Variants in TCP11L1 observed in about 807,000 individuals in gnomAD.
The protein encoded by TCP11L1 is t-complex 11 like 1, also known as T-complex protein 11-like protein 1.
Under a neutral mutation model 48.9 loss-of-function variants are expected in TCP11L1, and 28 were observed. The observed-to-expected ratio is 0.57, with a 90% CI of 0.42 to 0.78. The LOEUF is 0.78. TCP11L1 is among the 30% of genes least tolerant of loss of function. TCP11L1 has a pLI of 0.00. For missense variants in TCP11L1, 505 were observed against 613.4 expected, an observed-to-expected ratio of 0.82 and a Z score of 1.87; for synonymous variants, 204 against 231.9, an observed-to-expected ratio of 0.88 and a Z score of 1.09.
chr11:33,051,385 T>C (rs1854156201), intron 2 of TCP11L1, among the ~76,000 whole-genome samples: 1 of 152,104 alleles, frequency 6.6e-6, no homozygotes, highest in African/African-American at 2.4e-5. Context: ...GCCAGGATGG[T>C]CTTGTTCTCC....
At chr11:33,070,657 C>T (rs1178934077) in intron 9 of TCP11L1, among the ~76,000 whole-genome samples, 10 of 148,426 alleles carry the variant, frequency 6.7e-5, no homozygotes, top group African/African-American at 2.5e-4. Flanking sequence ...TGCACTCCAG[C>T]CTGGGCAATA....
chr11:33,048,745 A>T (rs1264806648), intron 2 of TCP11L1, among the ~76,000 whole-genome samples: 1 of 152,056 alleles, frequency 6.6e-6, no homozygotes, highest in African/African-American at 2.4e-5. Flanking sequence ...AATTCGGAGG[A>T]TTCTTATATT....
chr11:33,062,477 T>C (rs1854496232), intron 7 of TCP11L1, among the ~76,000 whole-genome samples: 2 of 152,254 alleles, frequency 1.3e-5, no homozygotes, highest in African/African-American at 4.8e-5. Context: ...TCTTTTCCAC[T>C]GTGTTTTTTT....
intron 2 of TCP11L1, among the ~76,000 whole-genome samples, chr11:33,049,038 T>G (rs551649742): frequency 6.6e-6 from 1 of 152,142 alleles, no homozygotes; most frequent in African/African-American, 2.4e-5. Context: ...GATCATGAGG[T>G]CAAGAGATCA....
Position 33,061,261 on chromosome 11 carries a change from A to G in TCP11L1, c.776-269A>G, listed in dbSNP as rs569286550. ...ATGAGCCACCATGCCTGGCTTATTCATTATCTTGTTTAATCCTCACAACAG... is the reference window on the plus strand; with the variant it reads ...ATGAGCCACCATGCCTGGCTTATTCGTTATCTTGTTTAATCCTCACAACAG... On this transcript the variant is annotated intron_variant, in intron 6 of 9. Coordinates refer to ENST00000334274, the MANE Select transcript of TCP11L1 (RefSeq NM_018393.4). Among the ~76,000 whole-genome samples the G allele has an allele frequency of 9.9e-5, 15 of 152,062 alleles. No homozygotes were observed. In the East Asian group the frequency reaches 2.3e-3, roughly 24 times the overall value.
chr11:33,067,888 G>A (rs546938007), intron 8 of TCP11L1, among the ~76,000 whole-genome samples: 64 of 151,268 alleles, frequency 4.2e-4, no homozygotes, highest in Middle Eastern at 3.4e-3. Flanking sequence ...TTCACTTTTC[G>A]TTATTCTTTT....
At chr11:33,042,885 G>A (rs1056718842) in intron 1 of TCP11L1, among the ~76,000 whole-genome samples, 1 of 152,194 alleles carries the variant, frequency 6.6e-6, no homozygotes, top group African/African-American at 2.4e-5. Context: ...GGCCAACATG[G>A]TGAAGCCCCA....
chr11:33,045,352 C>CAA (rs59665470), intron 2 of TCP11L1, among the ~76,000 whole-genome samples: 18,576 of 115,578 alleles, frequency 0.16, 1,464 homozygotes, highest in Middle Eastern at 0.23. Flanking sequence ...GACCCTGTCT[C>CAA]AAAAAAAAAA....
chr11:33,058,252 G>A, intron 5 of TCP11L1, 113 bp downstream of exon 5: 3 of 1,013,068 alleles, frequency 3.0e-6, no homozygotes, highest in Admixed American at 6.1e-5. Context: ...AGGCTGGAGT[G>A]CAATGGCGTG....
At position 33,043,740 on chromosome 11, in the gene TCP11L1, T is replaced by G. The variant is rs756668638; in HGVS notation, c.-24-10T>G. 5 of 1,571,298 alleles carry G rather than the reference T, an allele frequency of 3.2e-6. No individual in the cohort carries two copies. The highest frequency in any genetic ancestry group is 1.7e-4 in the Middle Eastern group (1 of 5,830). ...TTTTAGTTCTTTTTTTTTGTTTTTT[T>G]CTTTCCTAGGAAAGTGAATAAACTT... On this transcript the variant is annotated splice_polypyrimidine_tract_variant and intron_variant, in intron 1 of 9. Transcript: ENST00000334274.
At chr11:33,043,458 A>G (rs1330708777) in intron 1 of TCP11L1, among the ~76,000 whole-genome samples, 11 of 152,238 alleles carry the variant, frequency 7.2e-5, no homozygotes. Flanking sequence ...GTCTTCTAAT[A>G]GTTTAAGGCC....
At chr11:33,068,624 G>A (rs768283179) in intron 8 of TCP11L1, 63 bp from the exon 9 acceptor site, 28 of 1,557,486 alleles carry the variant, frequency 1.8e-5, no homozygotes, top group Non-Finnish European at 2.5e-5. Flanking sequence ...CCGGGTGTGG[G>A]CGGTTGGAGC....
intron 7 of TCP11L1, among the ~76,000 whole-genome samples, chr11:33,063,017 C>A (rs7108667): frequency 0.73 from 111,461 of 151,976 alleles, 41,073 homozygotes; most frequent in East Asian, 0.87. Flanking sequence ...GTACCACCAC[C>A]CCCAGCTAAT....
In TCP11L1 at chr11:33,043,785, C is replaced by T; in HGVS notation, c.12C>T (p.Asn4=). The T allele has an allele frequency of 6.2e-7, 1 of 1,605,628 alleles. No individual in the cohort carries two copies. The highest frequency in any genetic ancestry group is 1.7e-5 in the Admixed American group (1 of 57,822). The change falls in exon 2 of 10, where the codon AAC becomes AAT. Residue 4 remains asparagine (N), a synonymous_variant. Coordinates refer to ENST00000334274, the MANE Select transcript of TCP11L1 (RefSeq NM_018393.4). ...AAACTTAATTGAGAATGTCTGAAAA[C>T]CTTGACAAGTCCAATGTAAATGAAG... The part of the protein sequence containing the change: MSE[N]LDKSNVNEAG...
chr11:33,072,170 A>G (rs1854810024), intron 9 of TCP11L1, among the ~76,000 whole-genome samples: 1 of 152,096 alleles, frequency 6.6e-6, no homozygotes. Context: ...TTGCATTCCA[A>G]GTGTGTTTGA....
chr11:33,072,247 G>C (rs1854812709), intron 9 of TCP11L1, among the ~76,000 whole-genome samples: 2 of 152,222 alleles, frequency 1.3e-5, no homozygotes, highest in South Asian at 4.1e-4. Flanking sequence ...TGATGAACAA[G>C]ATGAGCATGG....
Position 33,046,800 on chromosome 11 carries a change from CTG to C in TCP11L1, c.163+2866_163+2867del, listed in dbSNP as rs1854009159. Reference sequence around the variant, plus strand: ...AGTTTACAGACATTTCCCCCAAACTCTGTAAATTTGTAGCTACTGAGTTTAAA... The same window carrying C: ...AGTTTACAGACATTTCCCCCAAACTCTAAATTTGTAGCTACTGAGTTTAAA... On this transcript the variant is annotated intron_variant, in intron 2 of 9. Coordinates refer to ENST00000334274, the MANE Select transcript of TCP11L1 (RefSeq NM_018393.4). Among the ~76,000 whole-genome samples, 6 of 152,238 alleles carry C rather than the reference CTG, an allele frequency of 3.9e-5. No individual in the cohort carries two copies. The South Asian group carries it at 1.2e-3, about 31-fold the overall frequency.
chr11:33,051,164 G>A (rs1321604392), intron 2 of TCP11L1, among the ~76,000 whole-genome samples: 1 of 151,956 alleles, frequency 6.6e-6, no homozygotes, highest in East Asian at 1.9e-4. Context: ...AGGATCTAGA[G>A]TAATTATTAT....
At chr11:33,041,812 T>C (rs1853842541) in intron 1 of TCP11L1, among the ~76,000 whole-genome samples, 1 of 152,120 alleles carries the variant, frequency 6.6e-6, no homozygotes, top group African/African-American at 2.4e-5. Context: ...CTTCATTCTA[T>C]TTAATGGAGT....
Sources: allele counts gnomAD v4.1 joint callset (sites outside exome capture counted in the v4.1 genomes callset), GRCh38; gene constraint gnomAD v4.1.1; transcripts MANE v1.5; gene names NCBI Gene and HGNC (gene_info 2026-07-23, HGNC 2026-07-21).